The following TRAF3 variants were observed in gnomAD, a reference collection of about 807,000 sequenced individuals.
The protein encoded by TRAF3 is TNF receptor-associated factor 3.
A neutral mutation model predicts 62.3 loss-of-function variants in TRAF3; 13 were observed. That is an observed-to-expected ratio of 0.21 (90% CI 0.14 to 0.33). The LOEUF is 0.33. Among genes scored for constraint, TRAF3 ranks in the 10% least tolerant of loss-of-function variants. TRAF3 has a pLI of 1.00. For synonymous variants in TRAF3, 269 were observed against 283.4 expected (o/e 0.95, Z 0.51); for missense variants, 440 against 741.8 (o/e 0.59, Z 4.73).
intron 11 of TRAF3, among the ~76,000 whole-genome samples, chr14:102,904,103 C>G (rs1890454439): frequency 2.0e-5 from 3 of 152,170 alleles, no homozygotes; most frequent in Admixed American, 2.0e-4. Flanking sequence ...GAGCTCCCAC[C>G]AGCGGGCTTC....
intron 2 of TRAF3, among the ~76,000 whole-genome samples, chr14:102,861,050 C>T (rs531056741): frequency 6.6e-6 from 1 of 152,338 alleles, no homozygotes; most frequent in East Asian, 1.9e-4. Flanking sequence ...CTGCAGCAGG[C>T]TGGGGAATGC....
At chr14:102,895,058 G>A (rs1427656611) in intron 9 of TRAF3, 1 of 455,556 alleles carries the variant, frequency 2.2e-6, no homozygotes, top group Non-Finnish European at 4.4e-6. Flanking sequence ...TGGCATACAT[G>A]TCATCTTTTT....
At chr14:102,868,487 C>T (rs955148998) in intron 2 of TRAF3, among the ~76,000 whole-genome samples, 13 of 152,264 alleles carry the variant, frequency 8.5e-5, no homozygotes, top group African/African-American at 3.1e-4. Flanking sequence ...ACAGGAAGGG[C>T]ATCTGTGCTG....
Position 102,911,484 on chromosome 14 carries a change from C to T in TRAF3, c.*5700C>T, listed in dbSNP as rs531463973. ...ACTGTCTTATTAGAGGAAAATAAAT[C>T]TGATTATGGAGTCTCAGTCTCTGAT... On this transcript the variant is annotated 3_prime_UTR_variant, in exon 12 of 12. Transcript: ENST00000392745. The T allele has an allele frequency of 6.6e-6, 1 of 152,326 alleles. No homozygotes were observed. Among genetic ancestry groups the T allele is most frequent in the Admixed American group, 6.5e-5 (1 of 15,304 alleles). The allele number at this position is 152,326 out of a possible 1,614,324, so 9.4% of individuals were successfully genotyped here. A position where few individuals can be genotyped will look rare whatever the true frequency, so the allele number is the denominator to read the frequency against.
At chr14:102,794,802 C>G (rs1897980069) in intron 1 of TRAF3, among the ~76,000 whole-genome samples, 1 of 152,148 alleles carries the variant, frequency 6.6e-6, no homozygotes, top group Non-Finnish European at 1.5e-5. Flanking sequence ...TTCTAAAAAA[C>G]TTTTGGAGTA....
At chr14:102,807,730 G>C (rs528915828) in intron 1 of TRAF3, among the ~76,000 whole-genome samples, 1 of 152,190 alleles carries the variant, frequency 6.6e-6, no homozygotes, top group Non-Finnish European at 1.5e-5. Context: ...GGTGAGGCAT[G>C]AGGGCAGCGA....
chr14:102,872,426 G>A (rs896066596), intron 4 of TRAF3, among the ~76,000 whole-genome samples: 5 of 152,154 alleles, frequency 3.3e-5, no homozygotes, highest in Admixed American at 2.0e-4. Flanking sequence ...TGTGCTCCCT[G>A]CCCCCCAGGC....
chr14:102,827,681 C>T (rs752081509), intron 1 of TRAF3, among the ~76,000 whole-genome samples: 3 of 152,168 alleles, frequency 2.0e-5, no homozygotes, highest in African/African-American at 2.4e-5. Flanking sequence ...AGCACATGGT[C>T]AGTGCTCACT....
At chr14:102,896,868 A>G (rs1349306862) in intron 9 of TRAF3, among the ~76,000 whole-genome samples, 1 of 152,196 alleles carries the variant, frequency 6.6e-6, no homozygotes, top group African/African-American at 2.4e-5. Context: ...GTTTGAGACC[A>G]GCCTGGGCAA....
intron 2 of TRAF3, among the ~76,000 whole-genome samples, chr14:102,866,762 T>G (rs1222398698): frequency 6.6e-6 from 1 of 151,730 alleles, no homozygotes; most frequent in African/African-American, 2.4e-5. Context: ...GGAGGATTGC[T>G]TGAGCCCAGG....
Position 102,875,690 on chromosome 14 carries a change from A to G in TRAF3, c.364A>G (p.Arg122Gly). The G allele has an allele frequency of 1.2e-6, 2 of 1,614,072 alleles. No homozygotes were observed. The highest frequency in any genetic ancestry group is 1.7e-6 in the Non-Finnish European group (2 of 1,179,932). ...ALQIYCRNES[R>G]GCAEQLMLGH... ...TCAGATCTATTGTCGGAATGAAAGC[A>G]GAGGTTGTGCAGAGCAGTTAATGCT... The change falls in exon 5 of 12, where the codon AGA becomes GGA. Residue 122 changes from arginine (R) to glycine (G), a missense_variant. Physicochemically the swap from Arg to Gly is moderately radical, Grantham distance 125. Transcript: ENST00000392745.
chr14:102,900,892 C>A (rs1420794845), intron 10 of TRAF3, among the ~76,000 whole-genome samples: 2 of 152,252 alleles, frequency 1.3e-5, no homozygotes, highest in African/African-American at 4.8e-5. Flanking sequence ...CTGTACAATT[C>A]CATACCTGCA....
At chr14:102,865,279 C>T (rs1887915428) in intron 2 of TRAF3, among the ~76,000 whole-genome samples, 1 of 152,124 alleles carries the variant, frequency 6.6e-6, no homozygotes, top group African/African-American at 2.4e-5. Flanking sequence ...GCCGGCTGGG[C>T]TCTGCTCAGG....
rs989524767 is a variant in TRAF3, at chr14:102,790,113, C to T, written c.-157+12438C>T. 1.2e-4 allele frequency among the ~76,000 whole-genome samples: 18 copies of T among 152,288 alleles called. No individual in the cohort carries two copies. In the East Asian group the frequency reaches 3.1e-3, roughly 26 times the overall value. ...AAAGTGTTGGGATTATAGGTGTGAGCCACTGCACTCAGCCTCTTCTGAGTT... is the reference window on the plus strand; with the variant it reads ...AAAGTGTTGGGATTATAGGTGTGAGTCACTGCACTCAGCCTCTTCTGAGTT... On this transcript the variant is annotated intron_variant, in intron 1 of 11. Transcript: ENST00000392745.
chr14:102,797,144 T>G (rs1424507281), intron 1 of TRAF3, among the ~76,000 whole-genome samples: 1 of 152,248 alleles, frequency 6.6e-6, no homozygotes, highest in African/African-American at 2.4e-5. Flanking sequence ...CCTCTCTGTG[T>G]TCTGCATCTT....
chr14:102,842,299 A>T (rs1886421417), intron 2 of TRAF3, among the ~76,000 whole-genome samples: 1 of 146,474 alleles, frequency 6.8e-6, no homozygotes, highest in Non-Finnish European at 1.5e-5. Context: ...TAAAATATAT[A>T]ATAAAATAAA....
At chr14:102,811,196 T>C (rs1488925505) in intron 1 of TRAF3, among the ~76,000 whole-genome samples, 1 of 152,174 alleles carries the variant, frequency 6.6e-6, no homozygotes, top group Non-Finnish European at 1.5e-5. Context: ...CTTAAGGGGA[T>C]GCCGAATTGC....
chr14:102,902,744 G>A (rs1037140642), intron 10 of TRAF3, among the ~76,000 whole-genome samples: 1 of 152,204 alleles, frequency 6.6e-6, no homozygotes, highest in African/African-American at 2.4e-5. Flanking sequence ...GAGTGTGAGG[G>A]TGAGGTCGGA....
intron 1 of TRAF3, among the ~76,000 whole-genome samples, chr14:102,816,523 ATGT>A (rs1314098297): frequency 1.1e-4 from 17 of 152,184 alleles, no homozygotes; most frequent in Non-Finnish European, 1.0e-4. Flanking sequence ...ATAAAGTTTA[ATGT>A]TGTGTTAAAT....
Sources: allele counts gnomAD v4.1 joint callset (sites outside exome capture counted in the v4.1 genomes callset), GRCh38; gene constraint gnomAD v4.1.1; transcripts MANE v1.5; gene names NCBI Gene and HGNC (gene_info 2026-07-23, HGNC 2026-07-21).